The following PIWIL1 variants were observed in gnomAD, a reference collection of about 807,000 sequenced individuals.
PIWIL1 encodes the protein piwi like RNA-mediated gene silencing 1, also known as piwi-like protein 1.
Under a neutral mutation model 114.4 loss-of-function variants are expected in PIWIL1, and 73 were observed. The observed-to-expected ratio is 0.64, with a 90% CI of 0.53 to 0.78. The LOEUF (loss-of-function observed/expected upper bound fraction) is 0.78, where lower values mean the gene tolerates loss of function less well. PIWIL1 is among the 30% of genes least tolerant of loss of function. The pLI is 0.00. For synonymous variants in PIWIL1, 375 were observed against 369.0 expected, an observed-to-expected ratio of 1.02 and a Z score of -0.19; for missense variants, 723 against 1,063.1, an observed-to-expected ratio of 0.68 and a Z score of 4.45.
chr12:130,347,824 A>AGT (rs2136138385), intron 6 of PIWIL1, among the ~76,000 whole-genome samples: 1 of 152,354 alleles, frequency 6.6e-6, no homozygotes, highest in African/African-American at 2.4e-5. Flanking sequence ...ACAGCGTGTG[A>AGT]GTGAGCGGTC....
At position 130,342,409 on chromosome 12, in the gene PIWIL1, A is replaced by C. The variant is rs1009758041; in HGVS notation, c.-12-171A>C. On this transcript the variant is annotated intron_variant, in intron 1 of 20. Transcript: ENST00000245255. ...GCAAGGTAAGCAACTGAGTTTGTTGAATGTAGGAATGTTACATTAAAAAAA... is the reference window on the plus strand; with the variant it reads ...GCAAGGTAAGCAACTGAGTTTGTTGCATGTAGGAATGTTACATTAAAAAAA... 3.5e-5 allele frequency: 21 copies of C among 606,964 alleles called. No individual in the cohort carries two copies. The African/African-American group carries it at 3.9e-4, about 11-fold the overall frequency. The allele number at this position is 606,964 out of a possible 1,614,324, so 37.6% of individuals were successfully genotyped here.
the PIWIL1 span, among the ~76,000 whole-genome samples, chr12:130,413,466 C>T: frequency 2.0e-5 from 3 of 151,930 alleles, no homozygotes; most frequent in East Asian, 1.9e-4. Flanking sequence ...CCTGTCTCTA[C>T]TAAAAATGCA....
At chr12:130,404,120 A>T in the PIWIL1 span, among the ~76,000 whole-genome samples, 1 of 152,204 alleles carries the variant, frequency 6.6e-6, no homozygotes, top group Non-Finnish European at 1.5e-5. Flanking sequence ...AGGAGGCAAA[A>T]TAATGACAAT....
chr12:130,422,387 T>C, the PIWIL1 span: 1 of 1,146,612 alleles, frequency 8.7e-7, no homozygotes, highest in Non-Finnish European at 1.3e-6. The surrounding 1 kb of genome is among the most constrained non-coding windows in gnomAD (Gnocchi z 5.2). Flanking sequence ...TGTTCATGCT[T>C]AGATGGAGTA....
chr12:130,383,093 C>T, the PIWIL1 span, among the ~76,000 whole-genome samples: 1 of 152,144 alleles, frequency 6.6e-6, no homozygotes. Flanking sequence ...AAGTCTTTAC[C>T]GTTGTCCAGA....
chr12:130,368,326 A>T (rs376838541), intron 19 of PIWIL1, among the ~76,000 whole-genome samples: 12 of 152,200 alleles, frequency 7.9e-5, no homozygotes, highest in Admixed American at 3.3e-4. Context: ...CAAAGTTGAC[A>T]TGTGGAACAC....
Position 130,346,463 on chromosome 12 carries a change from A to T in PIWIL1, c.410A>T (p.Asn137Ile). Residue 137 changes from asparagine to isoleucine, a missense_variant, in exon 5 of 21, where the codon AAC (asparagine) becomes ATC (isoleucine). Coordinates refer to ENST00000245255, the MANE Select transcript of PIWIL1 (RefSeq NM_004764.5). ...TTATATCAGTATCACATTGACTATA[A>T]CCCACTGATGGAAGCCAGAAGACTC... ...WALYQYHIDY[N>I]PLMEARRLRS... is the part of the protein sequence containing the mutation. 6.2e-7 allele frequency: 1 copy of T among 1,613,882 alleles called. No individual in the cohort carries two copies. Among genetic ancestry groups the T allele is most frequent in the Non-Finnish European group, 8.5e-7 (1 of 1,179,746 alleles).
the PIWIL1 span, among the ~76,000 whole-genome samples, chr12:130,392,637 A>C: frequency 5.3e-4 from 37 of 69,728 alleles, no homozygotes; most frequent in African/African-American, 1.3e-3. Context: ...TTACCTGGTG[A>C]ATATTGAATG....
chr12:130,393,145 G>A, the PIWIL1 span, among the ~76,000 whole-genome samples: 1,079 of 99,232 alleles, frequency 0.011, 3 homozygotes, highest in East Asian at 0.039. Context: ...TGATGACCCG[G>A]TCACCATCAT....
At position 130,371,283 on chromosome 12, in the gene PIWIL1, G is replaced by A. The variant is rs2073810359; in HGVS notation, c.2429G>A (p.Arg810His). The change falls in exon 20 of 21, where the codon CGC becomes CAC. Residue 810 changes from arginine to histidine, a missense_variant. Around this residue, in one of 8 missense-constraint regions of PIWIL1, gnomAD observed 106 missense variants for 182.8 expected, o/e 0.58. Coordinates refer to ENST00000245255, the MANE Select transcript of PIWIL1 (RefSeq NM_004764.5). Reference sequence around the variant, plus strand: ...GGCCTGAAGCCAGACCACATACAGCGCTTGACCTACAAGCTGTGCCACATC... The same window carrying A: ...GGCCTGAAGCCAGACCACATACAGCACTTGACCTACAAGCTGTGCCACATC... ...NSGLKPDHIQ[R>H]LTYKLCHIYY... 3 of 1,614,202 alleles carry A rather than the reference G, an allele frequency of 1.9e-6. No homozygotes were observed. Among genetic ancestry groups the A allele is most frequent in the Non-Finnish European group, 1.7e-6 (2 of 1,180,026 alleles).
chr12:130,373,932 G>GT (rs2073847300), downstream of PIWIL1, among the ~76,000 whole-genome samples: 2 of 152,160 alleles, frequency 1.3e-5, no homozygotes, highest in Non-Finnish European at 2.9e-5. Context: ...TGGGATGTGC[G>GT]TATCTGAGTG....
downstream of PIWIL1, among the ~76,000 whole-genome samples, chr12:130,372,952 T>C (rs7977152): frequency 0.28 from 42,143 of 152,182 alleles, 6,464 homozygotes; most frequent in Admixed American, 0.41. Flanking sequence ...TCCCTGGAAC[T>C]GTAATTTAAA....
At chr12:130,382,903 T>C in the PIWIL1 span, among the ~76,000 whole-genome samples, 1 of 152,238 alleles carries the variant, frequency 6.6e-6, no homozygotes, top group Non-Finnish European at 1.5e-5. Flanking sequence ...GTACAGTGTT[T>C]TGGAAAGCTG....
At chr12:130,381,083 A>T in the PIWIL1 span, among the ~76,000 whole-genome samples, 220 of 152,084 alleles carry the variant, frequency 1.4e-3, no homozygotes, top group African/African-American at 5.0e-3. Flanking sequence ...TTCCCTTGTT[A>T]CACTTGATGA....
the PIWIL1 span, among the ~76,000 whole-genome samples, chr12:130,383,081 T>G: frequency 6.6e-6 from 1 of 152,230 alleles, no homozygotes; most frequent in South Asian, 2.1e-4. Flanking sequence ...CTTTTATATA[T>G]CAAGTCTTTA....
rs541414852 is a variant in PIWIL1, at chr12:130,363,034, C to T, written c.2085C>T (p.Ser695=). 14 of 1,614,210 alleles carry T rather than the reference C, an allele frequency of 8.7e-6. No homozygotes were observed. The South Asian group carries it at 1.1e-4, about 13-fold the overall frequency. The change falls in exon 18 of 21, where the codon AGC becomes AGT. Residue 695 remains serine (S), a synonymous_variant. Coordinates refer to ENST00000245255, the MANE Select transcript of PIWIL1 (RefSeq NM_004764.5). The part of the protein sequence containing the change: ...AWNSCNEYMP[S]RIIVYRDGVG... ...ATAGCTGCAATGAGTACATGCCCAG[C>T]CGGATCATCGTGTACCGCGATGGCG...
chr12:130,357,361 C>T, intron 13 of PIWIL1, 120 bp from the exon 14 acceptor site: 1 of 749,188 alleles, frequency 1.3e-6, no homozygotes. Context: ...AATGGCTAGT[C>T]TCGGTGTTTG....
At position 130,371,159 on chromosome 12, in the gene PIWIL1, G is replaced by T. The variant is rs1208355310; in HGVS notation, c.2322-17G>T. 3 of 1,612,868 alleles carry T rather than the reference G, an allele frequency of 1.9e-6. No individual in the cohort carries two copies. The Admixed American group carries it at 5.0e-5, about 27-fold the overall frequency. ...ATTTTAGTTTTCAGCACATCCGTGT[G>T]TTTTCTGTAATTCCAGGTATGACTT... is the stretch of plus-strand genomic sequence containing the variant. On this transcript the variant is annotated splice_polypyrimidine_tract_variant and intron_variant, in intron 19 of 20. Coordinates refer to ENST00000245255, the MANE Select transcript of PIWIL1 (RefSeq NM_004764.5).
chr12:130,412,021 G>A, the PIWIL1 span, among the ~76,000 whole-genome samples: 4 of 151,940 alleles, frequency 2.6e-5, no homozygotes, highest in African/African-American at 4.8e-5. Flanking sequence ...GACTACAGAG[G>A]CTTTTTTTAA....
Sources: gnomAD v4.1 joint callset for allele counts (sites outside exome capture counted in the v4.1 genomes callset) on GRCh38, gnomAD v4.1.1 for gene constraint, gnomAD v4.1.1 regional missense constraint, Gnocchi (gnomAD v3.1) non-coding constraint, MANE v1.5 for transcripts, NCBI Gene and HGNC (gene_info 2026-07-23, HGNC 2026-07-21) for gene names.